FSTL4: variants seen among roughly 807,000 people sequenced by gnomAD.
FSTL4 encodes the protein follistatin-related protein 4.
In FSTL4, 28 loss-of-function variants were observed where a neutral mutation model predicts 78.2. The ratio of observed to expected loss-of-function variants is 0.36; its 90% confidence interval spans 0.27 to 0.49. The LOEUF is 0.49. Ranked by LOEUF, FSTL4 falls within the 20% of genes least tolerant of loss-of-function variation. The probability of loss-of-function intolerance (pLI) is 0.98; values close to 1 mark genes in which losing one functional copy is unlikely to be tolerated. For synonymous variants in FSTL4, 422 were observed against 440.5 expected, an observed-to-expected ratio of 0.96 and a Z score of 0.53; for missense variants, 922 against 1,084.9, an observed-to-expected ratio of 0.85 and a Z score of 2.11.
rs765531350 is a variant in FSTL4, at chr5:133,199,182, G to A, written c.2442C>T (p.Phe814=). Residue 814 remains phenylalanine (F), a synonymous_variant, in exon 16 of 16, where the codon TTC becomes TTT. Transcript: ENST00000265342. This position sits in a 1 kb window ranked among gnomAD's most constrained non-coding sequence, Gnocchi z 4.4. ...YLLTPARESL[F]LINGRQNTLR... ...GCGTGTTTTGTCTCCCATTGATGAG[G>A]AACAGTGACTCTCGGGCTGGTGTGA... The A allele has an allele frequency of 6.2e-7, 1 of 1,611,246 alleles. No individual in the cohort carries two copies. Among genetic ancestry groups the A allele is most frequent in the East Asian group, 2.2e-5 (1 of 44,770 alleles).
At chr5:133,795,640 A>T in the FSTL4 span, among the ~76,000 whole-genome samples, 3 of 152,240 alleles carry the variant, frequency 2.0e-5, no homozygotes, top group Admixed American at 6.5e-5. Context: ...AGGATTATTC[A>T]GTTGGCCGTA....
At chr5:133,660,485 C>T in the FSTL4 span, among the ~76,000 whole-genome samples, 1 of 152,210 alleles carries the variant, frequency 6.6e-6, no homozygotes, top group Non-Finnish European at 1.5e-5. Flanking sequence ...TGGCCACAGG[C>T]CCCCTGCATC....
At chr5:133,684,061 T>C in the FSTL4 span, among the ~76,000 whole-genome samples, 1 of 152,306 alleles carries the variant, frequency 6.6e-6, no homozygotes, top group African/African-American at 2.4e-5. Context: ...AAAAAGGCAT[T>C]TTTATCACCG....
At chr5:133,521,400 C>T (rs1758979164) in intron 3 of FSTL4, among the ~76,000 whole-genome samples, 1 of 152,166 alleles carries the variant, frequency 6.6e-6, no homozygotes, top group South Asian at 2.1e-4. Context: ...TTTCTCCTGG[C>T]TTAAAGCACT....
chr5:133,668,288 G>A, the FSTL4 span, among the ~76,000 whole-genome samples: 1 of 152,122 alleles, frequency 6.6e-6, no homozygotes, highest in Non-Finnish European at 1.5e-5. Flanking sequence ...GAGCTTCAGG[G>A]GTCAGGGGGT....
intron 2 of FSTL4, among the ~76,000 whole-genome samples, chr5:133,576,783 G>A (rs1327153582): frequency 6.6e-6 from 1 of 152,076 alleles, no homozygotes; most frequent in East Asian, 1.9e-4. Context: ...CTTTGCCATG[G>A]GATTCATCGC....
At chr5:133,233,729 T>C (rs986158974) in intron 7 of FSTL4, among the ~76,000 whole-genome samples, 192 bp from the exon 8 acceptor site, 1 of 152,216 alleles carries the variant, frequency 6.6e-6, no homozygotes, top group Admixed American at 6.5e-5. Flanking sequence ...CTCCACATTG[T>C]GGGCCCAGAC....
chr5:133,665,075 A>G, the FSTL4 span, among the ~76,000 whole-genome samples: 1 of 152,186 alleles, frequency 6.6e-6, no homozygotes, highest in South Asian at 2.1e-4. Flanking sequence ...AATGGCCCCA[A>G]ATGAAGCAGT....
chr5:133,426,507 T>G lies in FSTL4; in HGVS notation c.161-25521A>C, dbSNP rs945986559. Among the ~76,000 whole-genome samples, 2 of 152,182 alleles carry G rather than the reference T, an allele frequency of 1.3e-5. No individual in the cohort carries two copies. The highest frequency in any genetic ancestry group is 4.8e-5 in the African/African-American group (2 of 41,442). On this transcript the variant is annotated intron_variant, in intron 3 of 15. Transcript: ENST00000265342. This position sits in a 1 kb window ranked among gnomAD's most constrained non-coding sequence, Gnocchi z 5.0. ...AGATCATTAGGAAGAGACTAACAAT[T>G]CTGATCCCTCATAACGGAGCTCTCA...
the FSTL4 span, among the ~76,000 whole-genome samples, chr5:133,804,570 A>C: frequency 2.0e-5 from 3 of 152,204 alleles, no homozygotes; most frequent in Non-Finnish European, 4.4e-5. Flanking sequence ...ATTCCTTGTT[A>C]ACTGATCTGC....
At chr5:133,758,855 C>T in the FSTL4 span, among the ~76,000 whole-genome samples, 1 of 152,178 alleles carries the variant, frequency 6.6e-6, no homozygotes, top group South Asian at 2.1e-4. Context: ...GTGTGGCTGG[C>T]TGGCAAGTTG....
chr5:133,622,693 T>C, the FSTL4 span, among the ~76,000 whole-genome samples: 3 of 152,178 alleles, frequency 2.0e-5, no homozygotes, highest in African/African-American at 7.2e-5. Flanking sequence ...TCTTTTCATG[T>C]GCTTATTTGT....
intron 4 of FSTL4, among the ~76,000 whole-genome samples, chr5:133,385,716 A>C (rs752005758): frequency 1.5e-4 from 23 of 152,202 alleles, no homozygotes; most frequent in Non-Finnish European, 2.9e-4. Context: ...TAATTACAGG[A>C]ATCATTATAT....
At chr5:133,680,987 T>C in the FSTL4 span, among the ~76,000 whole-genome samples, 1 of 152,220 alleles carries the variant, frequency 6.6e-6, no homozygotes, top group Non-Finnish European at 1.5e-5. Context: ...TTCTCCATCA[T>C]GTGCAGTGGC....
chr5:133,233,614 C>T (rs1351837632), intron 7 of FSTL4, 77 bp from the exon 8 acceptor site: 26 of 1,553,424 alleles, frequency 1.7e-5, no homozygotes, highest in Non-Finnish European at 2.3e-5. Context: ...TCCTGGTTTT[C>T]CAGAAATCCT....
the FSTL4 span, among the ~76,000 whole-genome samples, chr5:133,753,269 T>C: frequency 6.6e-6 from 1 of 152,170 alleles, no homozygotes; most frequent in Non-Finnish European, 1.5e-5. Flanking sequence ...AGGGTTCTTT[T>C]GGCTCCTTAT....
intron 4 of FSTL4, among the ~76,000 whole-genome samples, chr5:133,349,291 CTCTCTGTG>C (rs1275856551): frequency 3.1e-5 from 3 of 96,800 alleles, no homozygotes; most frequent in African/African-American, 1.2e-4. Flanking sequence ...GAAAGCCTCT[CTCTCTGTG>C]TGTGTGTGTG....
rs1163751321 is a variant in FSTL4, at chr5:133,197,543, A to C, written c.*1552T>G. ...GATGCAGGTGGCTTGGCAGTCAGGCAGGAGTGAAAGGAGCTGTGTGTGTTG... is the reference window on the plus strand; with the variant it reads ...GATGCAGGTGGCTTGGCAGTCAGGCCGGAGTGAAAGGAGCTGTGTGTGTTG... On this transcript the variant is annotated 3_prime_UTR_variant, in exon 16 of 16. Transcript: ENST00000265342. 3.9e-5 allele frequency: 6 copies of C among 152,520 alleles called. No homozygotes were observed. The highest frequency in any genetic ancestry group is 3.8e-4 in the East Asian group (2 of 5,204). The allele number at this position is 152,520 out of a possible 1,614,324, so 9.4% of individuals were successfully genotyped here. A position where few individuals can be genotyped will look rare whatever the true frequency, so the allele number is the denominator to read the frequency against.
At chr5:133,692,449 G>A in the FSTL4 span, among the ~76,000 whole-genome samples, 1 of 152,186 alleles carries the variant, frequency 6.6e-6, no homozygotes, top group African/African-American at 2.4e-5. Flanking sequence ...TGGCATAGTG[G>A]CTGTTGTTAA....
Sources: allele counts gnomAD v4.1 joint callset (sites outside exome capture counted in the v4.1 genomes callset), GRCh38; gene constraint gnomAD v4.1.1; non-coding constraint Gnocchi (gnomAD v3.1); transcripts MANE v1.5; gene names NCBI Gene and HGNC (gene_info 2026-07-23, HGNC 2026-07-21).